Variants in FAM107B observed in about 807,000 individuals in gnomAD.
FAM107B encodes the protein protein FAM107B.
A neutral mutation model predicts 31.5 loss-of-function variants in FAM107B; 21 were observed. The observed-to-expected ratio is 0.67, with a 90% CI of 0.47 to 0.96. The LOEUF (loss-of-function observed/expected upper bound fraction) is 0.96, where lower values mean the gene tolerates loss of function less well. Ranked by LOEUF, FAM107B falls within the 40% of genes least tolerant of loss-of-function variation. The pLI, the probability that FAM107B is intolerant of heterozygous loss-of-function variation, is 0.00. For synonymous variants in FAM107B, 157 were observed against 141.5 expected (o/e 1.11, Z -0.78); for missense variants, 452 against 377.1 (o/e 1.20, Z -1.64).
At chr10:14,736,678 C>T (rs1856307715) in intron 1 of FAM107B, among the ~76,000 whole-genome samples, 1 of 152,178 alleles carries the variant, frequency 6.6e-6, no homozygotes, top group Admixed American at 6.5e-5. Flanking sequence ...CATCATAAAT[C>T]ATTAACTGAT....
chr10:14,526,421 C>T (rs1270254827), intron 3 of FAM107B, among the ~76,000 whole-genome samples: 2 of 152,334 alleles, frequency 1.3e-5, no homozygotes, highest in South Asian at 4.1e-4. Context: ...GGTGATCTGC[C>T]TGCCTCGGCC....
At position 14,760,562 on chromosome 10, in the gene FAM107B, C is replaced by CTT. The variant is rs1326352236; in HGVS notation, c.411+13690_411+13691insAA. On this transcript the variant is annotated intron_variant, in intron 1 of 4. Transcript: ENST00000181796. ...AGCACTGGTCACATTAATGAGACAC[C>CTT]AAACTATATTAAGCATATTGCCAAG... 8.7e-3 allele frequency among the ~76,000 whole-genome samples: 1,329 copies of CTT among 152,182 alleles called. 17 individuals are homozygous for CTT. Among genetic ancestry groups the CTT allele is most frequent in the African/African-American group, 0.031 (1,273 of 41,494 alleles).
At chr10:14,763,457 C>G (rs1468572337) in intron 1 of FAM107B, among the ~76,000 whole-genome samples, 1 of 152,152 alleles carries the variant, frequency 6.6e-6, no homozygotes, top group Non-Finnish European at 1.5e-5. Context: ...CCCCACGTGC[C>G]TCTAATTGTT....
chr10:14,568,052 T>C (rs149084680), intron 2 of FAM107B, among the ~76,000 whole-genome samples: 67 of 152,316 alleles, frequency 4.4e-4, no homozygotes, highest in African/African-American at 1.6e-3. Context: ...AGCAGATGAC[T>C]GTGAGCCAGG....
At chr10:14,623,052 A>G (rs755136737) in intron 2 of FAM107B, among the ~76,000 whole-genome samples, 36 of 152,174 alleles carry the variant, frequency 2.4e-4, no homozygotes, top group Non-Finnish European at 4.4e-4. Context: ...TCTCTTACCC[A>G]CACCTAATTT....
At chr10:14,750,410 A>T (rs1832804079) in intron 1 of FAM107B, among the ~76,000 whole-genome samples, 2 of 152,158 alleles carry the variant, frequency 1.3e-5, no homozygotes, top group Admixed American at 1.3e-4. Flanking sequence ...TCGGGAGTTC[A>T]AGACCAGCCT....
At chr10:14,702,404 A>G (rs1456493171) in intron 1 of FAM107B, among the ~76,000 whole-genome samples, 1 of 152,142 alleles carries the variant, frequency 6.6e-6, no homozygotes, top group Non-Finnish European at 1.5e-5. Context: ...CTCAGGCTGA[A>G]ATGCAATGGC....
chr10:14,526,193 G>A (rs1443235991), intron 3 of FAM107B, among the ~76,000 whole-genome samples: 2 of 151,940 alleles, frequency 1.3e-5, no homozygotes, highest in African/African-American at 2.4e-5. Context: ...TTTTCCGGGG[G>A]GACAGAGTCT....
intron 1 of FAM107B, among the ~76,000 whole-genome samples, chr10:14,762,584 G>A (rs966012421): frequency 6.6e-6 from 1 of 151,436 alleles, no homozygotes; most frequent in East Asian, 2.0e-4. Context: ...GTGAAACCCT[G>A]TCTCTACTAA....
At chr10:14,670,376 TG>T (rs1457907086) in intron 1 of FAM107B, among the ~76,000 whole-genome samples, 1 of 152,226 alleles carries the variant, frequency 6.6e-6, no homozygotes, top group African/African-American at 2.4e-5. Flanking sequence ...ATATTTGAAG[TG>T]GGTATGAATT....
chr10:14,572,080 T>C, intron 2 of FAM107B: 2 of 985,408 alleles, frequency 2.0e-6, no homozygotes, highest in Non-Finnish European at 2.4e-6. Flanking sequence ...TTTCTGGATA[T>C]CAAAAGAGCC....
intron 1 of FAM107B, among the ~76,000 whole-genome samples, chr10:14,705,248 C>A (rs187208293): frequency 1.6e-4 from 24 of 152,198 alleles, no homozygotes; most frequent in African/African-American, 5.5e-4. Context: ...AACTGGAACC[C>A]TTGTACACTG....
chr10:14,668,751 C>T (rs189281534), intron 1 of FAM107B, among the ~76,000 whole-genome samples: 1 of 152,268 alleles, frequency 6.6e-6, no homozygotes, highest in East Asian at 1.9e-4. Flanking sequence ...AGGATACCTT[C>T]TAACATCCCT....
At chr10:14,738,404 G>A (rs1856359645) in intron 1 of FAM107B, among the ~76,000 whole-genome samples, 1 of 152,208 alleles carries the variant, frequency 6.6e-6, no homozygotes. Context: ...AGAAAGTGGT[G>A]TAACTGATAG....
At chr10:14,556,382 C>G (rs1453977325) in intron 2 of FAM107B, 13 of 985,354 alleles carry the variant, frequency 1.3e-5, no homozygotes, top group Middle Eastern at 1.0e-3. Flanking sequence ...CTGGACTGTT[C>G]AGGGCTTGAC....
chr10:14,637,187 A>AGCACCCAGGCCC (rs1853521701), intron 2 of FAM107B, among the ~76,000 whole-genome samples: 1 of 151,992 alleles, frequency 6.6e-6, no homozygotes, highest in African/African-American at 2.4e-5. Context: ...CGAGGGTCTT[A>AGCACCCAGGCCC]TTTCTAACAC....
intron 1 of FAM107B, among the ~76,000 whole-genome samples, chr10:14,760,835 A>T (rs1251198071): frequency 6.6e-6 from 1 of 152,010 alleles, no homozygotes; most frequent in East Asian, 1.9e-4. Context: ...AACATGGTGA[A>T]ACCCCGTCTC....
intron 1 of FAM107B, among the ~76,000 whole-genome samples, chr10:14,714,907 C>T (rs1218584844): frequency 6.6e-6 from 1 of 152,082 alleles, no homozygotes; most frequent in African/African-American, 2.4e-5. Flanking sequence ...CCAGGTTTAT[C>T]CTCAAGGCAG....
chr10:14,736,270 T>C (rs1179148061), intron 1 of FAM107B, among the ~76,000 whole-genome samples: 1 of 152,166 alleles, frequency 6.6e-6, no homozygotes, highest in East Asian at 1.9e-4. Flanking sequence ...AAGTCACAAG[T>C]CAGGAGACAG....
Sources: gnomAD v4.1 joint callset for allele counts (sites outside exome capture counted in the v4.1 genomes callset) on GRCh38, gnomAD v4.1.1 for gene constraint, MANE v1.5 for transcripts, NCBI Gene and HGNC (gene_info 2026-07-23, HGNC 2026-07-21) for gene names.